The following SYNPO2 variants were observed in gnomAD, a reference collection of about 807,000 sequenced individuals.
The protein encoded by SYNPO2 is synaptopodin-2.
A neutral mutation model predicts 85.0 loss-of-function variants in SYNPO2; 56 were observed. The observed-to-expected ratio is 0.66, with a 90% CI of 0.53 to 0.82. The LOEUF (loss-of-function observed/expected upper bound fraction) is 0.82. Ranked by LOEUF, SYNPO2 falls within the 40% of genes least tolerant of loss-of-function variation. The probability of loss-of-function intolerance (pLI) is 0.00; values close to 1 mark genes in which losing one functional copy is unlikely to be tolerated. For synonymous variants in SYNPO2, 602 were observed against 591.1 expected (o/e 1.02, Z -0.27); for missense variants, 1,575 against 1,534.2 (o/e 1.03, Z -0.44).
intron 1 of SYNPO2, among the ~76,000 whole-genome samples, chr4:118,987,258 T>C (rs1736253535): frequency 6.6e-6 from 1 of 152,246 alleles, no homozygotes; most frequent in South Asian, 2.1e-4. Flanking sequence ...TAACATCGAA[T>C]GTCCCAGCTA....
At chr4:119,005,351 A>G (rs1736995242) in intron 1 of SYNPO2, among the ~76,000 whole-genome samples, 1 of 152,008 alleles carries the variant, frequency 6.6e-6, no homozygotes, top group African/African-American at 2.4e-5. Flanking sequence ...TAGGGTTTTT[A>G]TGGTTTTAGG....
intron 1 of SYNPO2, among the ~76,000 whole-genome samples, chr4:118,984,604 T>C (rs967941468): frequency 3.3e-5 from 5 of 152,200 alleles, no homozygotes; most frequent in Admixed American, 3.3e-4. Context: ...GCCAGTGGTG[T>C]CTTTCTTCAT....
chr4:118,891,208 A>G (rs77997040), intron 1 of SYNPO2, among the ~76,000 whole-genome samples: 2,692 of 152,304 alleles, frequency 0.018, 32 homozygotes, highest in Non-Finnish European at 0.022. Context: ...TGTGGTTTTC[A>G]AAAGATCATT....
At chr4:119,008,618 G>T (rs937892260) in intron 1 of SYNPO2, among the ~76,000 whole-genome samples, 7 of 152,128 alleles carry the variant, frequency 4.6e-5, no homozygotes, top group African/African-American at 1.7e-4. Flanking sequence ...TTTGTAGCAA[G>T]ATGAGGAGAC....
chr4:119,044,673 G>C (rs112110274), intron 4 of SYNPO2, among the ~76,000 whole-genome samples: 1,639 of 152,258 alleles, frequency 0.011, 33 homozygotes, highest in African/African-American at 0.038. Flanking sequence ...CTGGGGTCAT[G>C]TTTTTGACCA....
chr4:118,967,765 G>A (rs1405863050), intron 1 of SYNPO2, among the ~76,000 whole-genome samples: 1 of 151,952 alleles, frequency 6.6e-6, no homozygotes, highest in African/African-American at 2.4e-5. Flanking sequence ...AAGATATACA[G>A]CATTTAACTA....
chr4:118,880,523 T>G (rs1317335243), intron 1 of SYNPO2, among the ~76,000 whole-genome samples: 1 of 151,352 alleles, frequency 6.6e-6, no homozygotes, highest in East Asian at 2.0e-4. Flanking sequence ...GCTGAGGCAG[T>G]TGGATCACGA....
At chr4:118,892,944 T>C (rs901539396) in intron 1 of SYNPO2, among the ~76,000 whole-genome samples, 4 of 152,162 alleles carry the variant, frequency 2.6e-5, no homozygotes, top group Non-Finnish European at 4.4e-5. Context: ...TTTCAGATAA[T>C]ATAATTCTTA....
Position 118,942,700 on chromosome 4 carries a change from C to T in SYNPO2, c.105+53559C>T, listed in dbSNP as rs184927574. 1.7e-3 allele frequency among the ~76,000 whole-genome samples: 262 copies of T among 152,170 alleles called. 3 individuals are homozygous for T. Among genetic ancestry groups the T allele is most frequent in the African/African-American group, 5.3e-3 (222 of 41,498 alleles). ...GCCACAGGGGACATTTGGCAATGAC[C>T]GGAGACATTGTGGTTGTCACAACTG... On this transcript the variant is annotated intron_variant, in intron 1 of 4. Transcript: ENST00000307142.
At chr4:118,970,558 C>A (rs1735501664) in intron 1 of SYNPO2, among the ~76,000 whole-genome samples, 1 of 152,152 alleles carries the variant, frequency 6.6e-6, no homozygotes, top group African/African-American at 2.4e-5. Flanking sequence ...CCTTAACCAC[C>A]CCACATATTA....
In SYNPO2 at chr4:119,059,515, AT is replaced by A. The variant is rs1241288580; in HGVS notation, c.*1583del. On this transcript the variant is annotated 3_prime_UTR_variant, in exon 5 of 5. Coordinates refer to ENST00000307142, the MANE Select transcript of SYNPO2 (RefSeq NM_133477.3). ...CCCACGAACTGTTAAATATAAAAAAATTCAAAGTATTTGACATCTTAAGCAA... is the reference window on the plus strand; with the variant it reads ...CCCACGAACTGTTAAATATAAAAAAATCAAAGTATTTGACATCTTAAGCAA... 1 of 152,186 alleles carries A rather than the reference AT, an allele frequency of 6.6e-6. No homozygotes were observed. Among genetic ancestry groups the A allele is most frequent in the Admixed American group, 6.5e-5 (1 of 15,282 alleles). The allele number at this position is 152,186 out of a possible 1,614,324, so 9.4% of individuals were successfully genotyped here.
chr4:118,960,235 T>C (rs1231588573), intron 1 of SYNPO2, among the ~76,000 whole-genome samples: 1 of 152,238 alleles, frequency 6.6e-6, no homozygotes, highest in Non-Finnish European at 1.5e-5. Context: ...TTTTAGCCAC[T>C]AGTTTGCAGT....
chr4:118,887,131 T>C (rs1468841785), upstream of SYNPO2, among the ~76,000 whole-genome samples: 3 of 151,806 alleles, frequency 2.0e-5, no homozygotes, highest in African/African-American at 4.8e-5. Context: ...GCTCATGAGA[T>C]GAACTGGCAT....
chr4:118,910,692 T>C (rs1051078756), intron 1 of SYNPO2, among the ~76,000 whole-genome samples: 3 of 152,024 alleles, frequency 2.0e-5, no homozygotes, highest in African/African-American at 7.2e-5. Context: ...AACTTTAGCA[T>C]GTGGGTGGAT....
At chr4:118,951,996 A>G (rs1560903194) in intron 1 of SYNPO2, among the ~76,000 whole-genome samples, 1 of 152,182 alleles carries the variant, frequency 6.6e-6, no homozygotes, top group Non-Finnish European at 1.5e-5. Context: ...GGAGTCTTAA[A>G]AGGGACTGAC....
chr4:118,939,138 G>T (rs1341655593), intron 1 of SYNPO2, among the ~76,000 whole-genome samples: 1 of 152,192 alleles, frequency 6.6e-6, no homozygotes, highest in African/African-American at 2.4e-5. Context: ...TACTCTCCTT[G>T]ACAACAACAA....
At chr4:119,038,368 G>GT (rs1186567340) in intron 4 of SYNPO2, 10 of 627,298 alleles carry the variant, frequency 1.6e-5, no homozygotes, top group Non-Finnish European at 1.9e-5. Context: ...TGTTTTATTA[G>GT]TAAAAAAAAA....
chr4:119,003,554 C>T (rs2149174272), intron 1 of SYNPO2, among the ~76,000 whole-genome samples: 1 of 152,268 alleles, frequency 6.6e-6, no homozygotes, highest in African/African-American at 2.4e-5. Flanking sequence ...TTTTAATTGC[C>T]AAAAGTCCTT....
At chr4:118,853,864 A>G (rs1353870762) in intron 1 of SYNPO2, among the ~76,000 whole-genome samples, 1 of 152,210 alleles carries the variant, frequency 6.6e-6, no homozygotes, top group Non-Finnish European at 1.5e-5. Context: ...TTAGGTGTAC[A>G]TGGAATATGT....
Sources: gnomAD v4.1 joint callset for allele counts (sites outside exome capture counted in the v4.1 genomes callset) on GRCh38, gnomAD v4.1.1 for gene constraint, MANE v1.5 for transcripts, NCBI Gene and HGNC (gene_info 2026-07-23, HGNC 2026-07-21) for gene names.